Variants in ARB2A observed in about 807,000 individuals in gnomAD.
ARB2A encodes the protein ARB2 cotranscriptional regulator A, also known as cotranscriptional regulator ARB2A.
the ARB2A span, among the ~76,000 whole-genome samples, chr5:93,640,641 T>TATATAC: frequency 8.6e-5 from 13 of 151,044 alleles, no homozygotes; most frequent in East Asian, 1.9e-4. Flanking sequence ...TGTGTATATA[T>TATATAC]ATATACATAT....
At chr5:93,983,074 G>A in the ARB2A span, among the ~76,000 whole-genome samples, 3 of 151,970 alleles carry the variant, frequency 2.0e-5, no homozygotes, top group Non-Finnish European at 4.4e-5. Flanking sequence ...ACATAGAAAA[G>A]GTAGAGTAGA....
the ARB2A span, among the ~76,000 whole-genome samples, chr5:94,037,718 C>T: frequency 1.3e-5 from 2 of 152,052 alleles, no homozygotes; most frequent in Admixed American, 1.3e-4. Context: ...TTTCACATTA[C>T]ATAAAGGTAT....
chr5:93,789,469 T>A, the ARB2A span, among the ~76,000 whole-genome samples: 2 of 152,238 alleles, frequency 1.3e-5, no homozygotes, highest in African/African-American at 2.4e-5. Flanking sequence ...TTTCAAAGGC[T>A]TGAAAAGTAT....
At chr5:94,000,871 C>T in the ARB2A span, among the ~76,000 whole-genome samples, 1 of 152,066 alleles carries the variant, frequency 6.6e-6, no homozygotes, top group African/African-American at 2.4e-5. Context: ...TGCATGTGAA[C>T]ATCCATTTGT....
the ARB2A span, among the ~76,000 whole-genome samples, chr5:93,839,688 T>C: frequency 6.6e-6 from 1 of 152,080 alleles, no homozygotes; most frequent in Non-Finnish European, 1.5e-5. Context: ...TTTTTACTAC[T>C]GATTCAATTT....
the ARB2A span, among the ~76,000 whole-genome samples, chr5:94,083,949 A>G: frequency 2.6e-5 from 4 of 152,146 alleles, no homozygotes; most frequent in Non-Finnish European, 5.9e-5. Context: ...AATCAGTTAT[A>G]AAGCACAGTT....
chr5:94,108,361 T>C, the ARB2A span, among the ~76,000 whole-genome samples: 1 of 151,938 alleles, frequency 6.6e-6, no homozygotes, highest in South Asian at 2.1e-4. Context: ...CATTTATTAT[T>C]ATAGAAGATG....
At chr5:93,709,952 A>T in the ARB2A span, among the ~76,000 whole-genome samples, 1 of 152,222 alleles carries the variant, frequency 6.6e-6, no homozygotes, top group Non-Finnish European at 1.5e-5. Flanking sequence ...GAGTTAATGC[A>T]TATAAGTGCT....
chr5:93,857,395 C>T, the ARB2A span, among the ~76,000 whole-genome samples: 2 of 152,168 alleles, frequency 1.3e-5, no homozygotes, highest in Admixed American at 6.5e-5. Flanking sequence ...GAGATGGAGC[C>T]TACAGAGGCA....
the ARB2A span, among the ~76,000 whole-genome samples, chr5:94,053,573 T>C: frequency 6.6e-6 from 1 of 152,182 alleles, no homozygotes; most frequent in African/African-American, 2.4e-5. Context: ...CATCAAATCT[T>C]ATATATAACT....
At chr5:93,657,905 C>T in the ARB2A span, among the ~76,000 whole-genome samples, 1 of 152,250 alleles carries the variant, frequency 6.6e-6, no homozygotes, top group African/African-American at 2.4e-5. Context: ...AGAAATCTTT[C>T]AGCTAAAAAC....
At chr5:93,771,517 C>T in the ARB2A span, among the ~76,000 whole-genome samples, 1 of 151,832 alleles carries the variant, frequency 6.6e-6, no homozygotes, top group Non-Finnish European at 1.5e-5. Flanking sequence ...AGTGAACAGG[C>T]AACCTACAAA....
At chr5:94,067,950 A>G in the ARB2A span, among the ~76,000 whole-genome samples, 2 of 152,228 alleles carry the variant, frequency 1.3e-5, no homozygotes, top group Admixed American at 1.3e-4. Context: ...CCAAAACAGC[A>G]TAATATTATT....
the ARB2A span, among the ~76,000 whole-genome samples, chr5:94,038,487 A>C: frequency 1.2e-4 from 18 of 152,156 alleles, no homozygotes; most frequent in African/African-American, 4.1e-4. Flanking sequence ...TGGATAGTAT[A>C]AAAATATATA....
At chr5:93,757,509 T>G in the ARB2A span, among the ~76,000 whole-genome samples, 1 of 152,170 alleles carries the variant, frequency 6.6e-6, no homozygotes, top group Non-Finnish European at 1.5e-5. Flanking sequence ...AAGAAAAACC[T>G]ATCAGATTAA....
chr5:93,655,154 G>A, the ARB2A span, among the ~76,000 whole-genome samples: 30 of 152,268 alleles, frequency 2.0e-4, no homozygotes, highest in East Asian at 9.7e-4. Context: ...TAATATTTGT[G>A]AAAGGATTTT....
chr5:93,756,031 T>C, the ARB2A span, among the ~76,000 whole-genome samples: 1 of 152,094 alleles, frequency 6.6e-6, no homozygotes, highest in Non-Finnish European at 1.5e-5. Flanking sequence ...AGGGCTGTTG[T>C]GGGGGGCATG....
At chr5:93,949,774 T>C in the ARB2A span, among the ~76,000 whole-genome samples, 1 of 152,080 alleles carries the variant, frequency 6.6e-6, no homozygotes, top group Non-Finnish European at 1.5e-5. Flanking sequence ...ACCCATTAAC[T>C]ATCCTCCCTC....
the ARB2A span, among the ~76,000 whole-genome samples, chr5:93,867,789 T>G: frequency 6.6e-6 from 1 of 152,192 alleles, no homozygotes; most frequent in African/African-American, 2.4e-5. Context: ...TAATTTTATC[T>G]TTGTTTTCAT....
Sources: allele counts gnomAD v4.1 joint callset (sites outside exome capture counted in the v4.1 genomes callset), GRCh38; gene constraint gnomAD v4.1.1; transcripts MANE v1.5; gene names NCBI Gene and HGNC (gene_info 2026-07-23, HGNC 2026-07-21).